ZNF362: variants seen among roughly 807,000 people sequenced by gnomAD.
ZNF362 encodes rotund homolog.
Under a neutral mutation model 42.9 loss-of-function variants are expected in ZNF362, and 11 were observed. That is an observed-to-expected ratio of 0.26 (90% CI 0.16 to 0.42). ZNF362 has a LOEUF of 0.42. Ranked by LOEUF, ZNF362 falls within the 20% of genes least tolerant of loss-of-function variation. The probability of loss-of-function intolerance (pLI) is 1.00; values close to 1 mark genes in which losing one functional copy is unlikely to be tolerated. For missense variants in ZNF362, 362 were observed against 576.2 expected, an observed-to-expected ratio of 0.63 and a Z score of 3.81; for synonymous variants, 255 against 257.3, an observed-to-expected ratio of 0.99 and a Z score of 0.09.
chr1:33,272,598 G>A (rs547395479), intron 2 of ZNF362, among the ~76,000 whole-genome samples: 1 of 152,278 alleles, frequency 6.6e-6, no homozygotes, highest in African/African-American at 2.4e-5. Flanking sequence ...TCGTGCTTGA[G>A]GCCTGGCCAC....
the ZNF362 span, chr1:33,147,324 G>A: frequency 6.2e-7 from 1 of 1,614,218 alleles, no homozygotes; most frequent in East Asian, 2.2e-5. This position sits in a 1 kb window ranked among gnomAD's most constrained non-coding sequence, Gnocchi z 8.1. Flanking sequence ...TGTAGAAGAT[G>A]AGCAAGCCTT....
chr1:33,217,037 G>A, the ZNF362 span, among the ~76,000 whole-genome samples: 3 of 152,018 alleles, frequency 2.0e-5, 1 homozygote, highest in South Asian at 6.2e-4. Flanking sequence ...GATGGAGAGA[G>A]GCCACCATCC....
the ZNF362 span, chr1:33,164,038 T>C: frequency 6.6e-6 from 1 of 152,256 alleles, no homozygotes; most frequent in Non-Finnish European, 1.5e-5. Context: ...TCCGCTCTCA[T>C]ACAGAGAGAG....
Position 33,275,724 on chromosome 1 carries a change from C to G in ZNF362, c.39-376C>G, listed in dbSNP as rs146982992. 5.3e-3 allele frequency among the ~76,000 whole-genome samples: 800 copies of G among 152,316 alleles called. 11 individuals are homozygous for G. The highest frequency in any genetic ancestry group is 0.016 in the South Asian group (78 of 4,828). On this transcript the variant is annotated intron_variant, in intron 2 of 8. Coordinates refer to ENST00000539719, the MANE Select transcript of ZNF362 (RefSeq NM_152493.3). ...CAGTCCTCCCCAGTTTGTCTCTGGA[C>G]TTGGGGGGCCTTCTGTATGGAACCT...
chr1:33,274,879 C>G (rs940657375), intron 2 of ZNF362: 2 of 893,888 alleles, frequency 2.2e-6, no homozygotes, highest in African/African-American at 3.6e-5. Context: ...CCTCTTGTGC[C>G]TACTTTCAAG....
chr1:33,158,613 T>TG, the ZNF362 span, among the ~76,000 whole-genome samples: 1 of 152,238 alleles, frequency 6.6e-6, no homozygotes, highest in Non-Finnish European at 1.5e-5. Context: ...GAGAATTACA[T>TG]GGCATAACAT....
the ZNF362 span, among the ~76,000 whole-genome samples, chr1:33,205,193 G>T: frequency 2.0e-5 from 3 of 152,204 alleles, no homozygotes; most frequent in South Asian, 6.2e-4. Flanking sequence ...TCTAAAAAAT[G>T]CAGAGAATGG....
intron 6 of ZNF362, among the ~76,000 whole-genome samples, chr1:33,289,893 C>T (rs530482308): frequency 6.6e-6 from 1 of 152,080 alleles, no homozygotes; most frequent in Non-Finnish European, 1.5e-5. Flanking sequence ...CCGCAGGGAG[C>T]CTGACCTGGT....
chr1:33,237,063 C>A, the ZNF362 span, among the ~76,000 whole-genome samples: 2 of 152,040 alleles, frequency 1.3e-5, no homozygotes, highest in Non-Finnish European at 2.9e-5. Context: ...GAGCGAGATT[C>A]TGTCTCAAAA....
the ZNF362 span, among the ~76,000 whole-genome samples, chr1:33,180,776 A>G: frequency 6.0e-5 from 9 of 151,116 alleles, no homozygotes; most frequent in East Asian, 1.7e-3. Context: ...ACCAGCCGGT[A>G]CTCCAGGTCT....
At chr1:33,274,899 CAA>C (rs1463964508) in intron 2 of ZNF362, 11 of 958,060 alleles carry the variant, frequency 1.1e-5, no homozygotes, top group East Asian at 1.2e-4. Context: ...GTAAAGATCA[CAA>C]GAGATAATTC....
the ZNF362 span, chr1:33,181,668 C>G: frequency 4.6e-6 from 3 of 646,972 alleles, no homozygotes; most frequent in Non-Finnish European, 5.0e-6. This position sits in a 1 kb window ranked among gnomAD's most constrained non-coding sequence, Gnocchi z 6.5. Flanking sequence ...AGGTAGTGGG[C>G]AGCTCAAGGC....
Position 33,280,713 on chromosome 1 carries a change from G to A in ZNF362, c.683+256G>A, listed in dbSNP as rs1645986993. On this transcript the variant is annotated intron_variant, in intron 5 of 8. Transcript: ENST00000539719. The surrounding 1 kb of genome is among the most constrained non-coding windows in gnomAD (Gnocchi z 5.6). ...GGCTGGCAGCCACCCCCACAGCCTG[G>A]GGTTGTGAGAGTCGGTTTCCTCCTC... is the stretch of plus-strand genomic sequence containing the variant. Among the ~76,000 whole-genome samples the A allele has an allele frequency of 3.3e-5, 5 of 152,316 alleles. No individual in the cohort carries two copies. In the South Asian group the frequency reaches 1.0e-3, roughly 32 times the overall value.
the ZNF362 span, among the ~76,000 whole-genome samples, chr1:33,248,730 C>T: frequency 1.3e-5 from 2 of 152,214 alleles, no homozygotes; most frequent in Admixed American, 6.5e-5. Context: ...CCTGTGCCAA[C>T]CTCACGTTCA....
chr1:33,181,585 G>T, the ZNF362 span: 1 of 1,346,412 alleles, frequency 7.4e-7, no homozygotes, highest in Admixed American at 3.2e-5. This position sits in a 1 kb window ranked among gnomAD's most constrained non-coding sequence, Gnocchi z 6.5. Flanking sequence ...GGTGCTGTCC[G>T]GAAGGAGGGT....
chr1:33,149,173 GAC>G, the ZNF362 span, among the ~76,000 whole-genome samples: 1 of 152,158 alleles, frequency 6.6e-6, no homozygotes, highest in African/African-American at 2.4e-5. Context: ...ATTTATTGGA[GAC>G]AGAGTCTTGC....
the ZNF362 span, among the ~76,000 whole-genome samples, chr1:33,174,599 A>C: frequency 6.6e-6 from 1 of 152,172 alleles, no homozygotes; most frequent in African/African-American, 2.4e-5. Flanking sequence ...AGAGAGAAGG[A>C]GAGCATGACT....
At chr1:33,238,363 T>TAAAATAA in the ZNF362 span, among the ~76,000 whole-genome samples, 4 of 71,696 alleles carry the variant, frequency 5.6e-5, no homozygotes, top group South Asian at 4.8e-4. Context: ...TAAAATAAAA[T>TAAAATAA]AATAAAATAA....
At chr1:33,222,592 C>T in the ZNF362 span, among the ~76,000 whole-genome samples, 7 of 152,304 alleles carry the variant, frequency 4.6e-5, no homozygotes, top group East Asian at 1.3e-3. Context: ...GCCAGGACTT[C>T]TAATAGCTAG....
Sources: gnomAD v4.1 joint callset for allele counts (sites outside exome capture counted in the v4.1 genomes callset) on GRCh38, gnomAD v4.1.1 for gene constraint, Gnocchi (gnomAD v3.1) non-coding constraint, MANE v1.5 for transcripts, NCBI Gene and HGNC (gene_info 2026-07-23, HGNC 2026-07-21) for gene names.